The following EVPL variants were observed in gnomAD, a reference collection of about 807,000 sequenced individuals.
The protein encoded by EVPL is 210 kDa cornified envelope precursor protein.
EVPL carries 94 observed loss-of-function variants against 129.7 expected under a neutral mutation model. The ratio of observed to expected loss-of-function variants is 0.72; its 90% CI spans 0.61 to 0.86. EVPL has a LOEUF of 0.86. Among genes scored for constraint, EVPL ranks in the 40% least tolerant of loss-of-function variants. EVPL has a pLI of 0.00. For synonymous variants in EVPL, 1,172 were observed against 1,191.1 expected (o/e 0.98, Z 0.33); for missense variants, 2,625 against 2,721.1 (o/e 0.96, Z 0.79).
At chr17:76,012,245 T>A (rs963545585) in intron 18 of EVPL, 156 bp from the exon 19 acceptor site, 4 of 582,970 alleles carry the variant, frequency 6.9e-6, no homozygotes, top group Non-Finnish European at 3.1e-6. Flanking sequence ...CTCCTTTCCC[T>A]GACATCATTC....
Position 76,024,653 on chromosome 17 carries a change from A to G in EVPL, c.99-533T>C, listed in dbSNP as rs1263643666. Among the ~76,000 whole-genome samples, 1 of 151,542 alleles carries G rather than the reference A, an allele frequency of 6.6e-6. No homozygotes were observed. Among genetic ancestry groups the G allele is most frequent in the East Asian group, 1.9e-4 (1 of 5,148 alleles). ...GCTGGCTTCAGTAGCCATCTAGAGG[A>G]GCCTCACACTGTCGGAGCCGGGGAG... On this transcript the variant is annotated intron_variant, in intron 1 of 21. Coordinates refer to ENST00000301607, the MANE Select transcript of EVPL (RefSeq NM_001988.4). The surrounding 1 kb of genome is among the most constrained non-coding windows in gnomAD (Gnocchi z 4.5).
chr17:76,009,763 G>C lies in EVPL; in HGVS notation c.3442C>G (p.Leu1148Val). The part of the protein sequence containing the change: ...EVKKVEQDPG[L>V]LQESSRLRSL... ...CTCAGCCTGGAGGACTCCTGGAGGA[G>C]CCCTGGGTCCTGCTCCACCTTCTTC... Residue 1148 changes from leucine (L) to valine (V), a missense_variant, in exon 22 of 22, where the codon CTC becomes GTC. Physicochemically the swap from Leu to Val is conservative, Grantham distance 32. This residue lies in a region of EVPL where 1,453 missense variants were observed against 1,511.8 expected (regional missense o/e 0.96). Coordinates refer to ENST00000301607, the MANE Select transcript of EVPL (RefSeq NM_001988.4). The surrounding 1 kb of genome is among the most constrained non-coding windows in gnomAD (Gnocchi z 5.9). 1 of 1,613,760 alleles carries C rather than the reference G, an allele frequency of 6.2e-7. No individual in the cohort carries two copies. The highest frequency in any genetic ancestry group is 2.2e-5 in the East Asian group (1 of 44,866).
chr17:76,008,745 T>C lies in EVPL; in HGVS notation c.4460A>G (p.Gln1487Arg). ...CAGCTCGGTTACCTGGGTCTTCTCCTGGTCCAGGTCCCACCGCAGGGCTTC... is the reference window on the plus strand; with the variant it reads ...CAGCTCGGTTACCTGGGTCTTCTCCCGGTCCAGGTCCCACCGCAGGGCTTC... ...STEALRWDLD[Q>R]EKTQVTELNR... The change falls in exon 22 of 22, where the codon CAG (glutamine) becomes CGG (arginine). Residue 1487 changes from glutamine (Q) to arginine (R), a missense_variant. Physicochemically the swap from Gln to Arg is conservative, Grantham distance 43. Around this residue, in one of 4 missense-constraint regions of EVPL, gnomAD observed 1,453 missense variants for 1,511.8 expected, o/e 0.96. Coordinates refer to ENST00000301607, the MANE Select transcript of EVPL (RefSeq NM_001988.4). This position sits in a 1 kb window ranked among gnomAD's most constrained non-coding sequence, Gnocchi z 7.4. 1 of 1,614,190 alleles carries C rather than the reference T, an allele frequency of 6.2e-7. No homozygotes were observed. Among genetic ancestry groups the C allele is most frequent in the Non-Finnish European group, 8.5e-7 (1 of 1,180,052 alleles).
At chr17:76,018,314 C>T in intron 12 of EVPL, 56 bp from the exon 13 acceptor site, 1 of 1,518,234 alleles carries the variant, frequency 6.6e-7, no homozygotes, top group South Asian at 1.2e-5. Flanking sequence ...TCTCCCTCCC[C>T]AGCCCCAGTA....
At position 76,007,123 on chromosome 17, in the gene EVPL, C is replaced by T. The variant is rs201900469; in HGVS notation, c.6082G>A (p.Val2028Ile). 52 of 1,485,812 alleles carry T rather than the reference C, an allele frequency of 3.5e-5. No homozygotes were observed. The highest frequency in any genetic ancestry group is 8.4e-5 in the African/African-American group (6 of 71,380). 92.0% of individuals were successfully genotyped at this position (1,485,812 alleles called of 1,614,324 possible). The change falls in exon 22 of 22, where the codon GTC becomes ATC. Residue 2028 changes from valine to isoleucine, a missense_variant. Transcript: ENST00000301607. This position sits in a 1 kb window ranked among gnomAD's most constrained non-coding sequence, Gnocchi z 8.8. ...YRCYRSASPT[V>I]PRSLR Reference sequence around the variant, plus strand: ...CCGTGTCAGCGAAGGGAGCGCGGGACGGTGGGGGAGGCGGAGCGGTAGCAG... The same window carrying T: ...CCGTGTCAGCGAAGGGAGCGCGGGATGGTGGGGGAGGCGGAGCGGTAGCAG...
chr17:76,024,182 G>T lies in EVPL; in HGVS notation c.99-62C>A, dbSNP rs1461318374. On this transcript the variant is annotated intron_variant, in intron 1 of 21. Coordinates refer to ENST00000301607, the MANE Select transcript of EVPL (RefSeq NM_001988.4). The surrounding 1 kb of genome is among the most constrained non-coding windows in gnomAD (Gnocchi z 4.5). ...AGAGGCCCCTCTGTGCCCCATCCAG[G>T]TGGCATCCCCTGCCCTCCCTCCACC... 3.3e-6 allele frequency: 5 copies of T among 1,518,398 alleles called. No homozygotes were observed. The highest frequency in any genetic ancestry group is 1.8e-5 in the Admixed American group (1 of 55,120). 94.1% of individuals were successfully genotyped at this position (1,518,398 alleles called of 1,614,324 possible). A position where few individuals can be genotyped will look rare whatever the true frequency, so the allele number is the denominator to read the frequency against.
In EVPL at chr17:76,018,549, G is replaced by A; in HGVS notation, c.1336C>T (p.His446Tyr). 6.2e-7 allele frequency: 1 copy of A among 1,612,190 alleles called. No individual in the cohort carries two copies. Among genetic ancestry groups the A allele is most frequent in the Non-Finnish European group, 8.5e-7 (1 of 1,179,702 alleles). The change falls in exon 12 of 22, where the codon CAC becomes TAC. Residue 446 changes from histidine to tyrosine, a missense_variant. This residue lies in a region of EVPL where 1,024 missense variants were observed against 997.5 expected (regional missense o/e 1.03). Transcript: ENST00000301607. ...RYKLVDNTDP[H>Y]AWVVQGPGGE... ...CCAGGGCCCTGCACGACCCAGGCGT[G>A]CGGGTCAGTGTTATCTACCAGCTTA...
At position 76,008,246 on chromosome 17, in the gene EVPL, G is replaced by C. The variant is rs754447611; in HGVS notation, c.4959C>G (p.Tyr1653Ter). 8 of 1,613,626 alleles carry C rather than the reference G, an allele frequency of 5.0e-6. No homozygotes were observed. The highest frequency in any genetic ancestry group is 6.8e-6 in the Non-Finnish European group (8 of 1,180,008). The change falls in exon 22 of 22, where the codon TAC becomes TAG. Residue 1653 changes from tyrosine to a stop codon, truncating the protein, a stop_gained. Transcript: ENST00000301607. LOFTEE classifies it high-confidence loss of function. The surrounding 1 kb of genome is among the most constrained non-coding windows in gnomAD (Gnocchi z 7.4). The part of the protein sequence containing the change: ...AAILREKDQI[Y>*]EKERTLRDLH... Reference sequence around the variant, plus strand: ...GGTCCCGGAGCGTCCGCTCCTTCTCGTAGATCTGGTCCTTCTCGCGGAGGA... The same window carrying C: ...GGTCCCGGAGCGTCCGCTCCTTCTCCTAGATCTGGTCCTTCTCGCGGAGGA...
chr17:76,015,156 C>T, intron 16 of EVPL, 47 bp from the exon 17 acceptor site: 4 of 1,558,836 alleles, frequency 2.6e-6, no homozygotes, highest in Non-Finnish European at 3.5e-6. Context: ...GCTGGGGAGA[C>T]GCCGTGTCCA....
chr17:76,022,808 C>G lies in EVPL; in HGVS notation c.481-270G>C, dbSNP rs1394461413. ...TGTCTGTGACCCAGCCTCAGTGCTT[C>G]CTGCCTGGACACCACCAGCCAAGCT... On this transcript the variant is annotated intron_variant, in intron 4 of 21. Transcript: ENST00000301607. This position sits in a 1 kb window ranked among gnomAD's most constrained non-coding sequence, Gnocchi z 5.6. Among the ~76,000 whole-genome samples, 1 of 152,182 alleles carries G rather than the reference C, an allele frequency of 6.6e-6. No homozygotes were observed. The highest frequency in any genetic ancestry group is 2.1e-4 in the South Asian group (1 of 4,830).
intron 14 of EVPL, 47 bp from the exon 15 acceptor site, chr17:76,015,675 C>T (rs755179652): frequency 8.9e-6 from 14 of 1,566,036 alleles, no homozygotes; most frequent in African/African-American, 1.4e-5. Flanking sequence ...GGGTTCCGCC[C>T]GACTCTTCTA....
chr17:76,023,941 CAG>C (rs1739129708), intron 2 of EVPL, 78 bp downstream of exon 2: 2 of 1,521,494 alleles, frequency 1.3e-6, no homozygotes, highest in Non-Finnish European at 8.9e-7. Flanking sequence ...AAGGGGCACT[CAG>C]GGAGTGCCAG....
chr17:76,015,258 C>G lies in EVPL; in HGVS notation c.1997G>C (p.Gly666Ala). Residue 666 changes from glycine (G) to alanine (A), a missense_variant, in exon 16 of 22, where the codon GGG becomes GCG. Transcript: ENST00000301607. ...CTCGCTGACCCTCTCCTGCAGAGCC[C>G]CCGGTTCAGCAGGGATGGGGGCCTC... ...VQEAPIPAEP[G>A]ALQERVSELQ... 6.2e-7 allele frequency: 1 copy of G among 1,601,952 alleles called. No homozygotes were observed. Among genetic ancestry groups the G allele is most frequent in the East Asian group, 2.2e-5 (1 of 44,678 alleles).
rs774309682 is a variant in EVPL, at chr17:76,015,107, G to A, written c.2031C>T (p.Arg677=). 5.1e-6 allele frequency: 8 copies of A among 1,573,028 alleles called. No individual in the cohort carries two copies. The highest frequency in any genetic ancestry group is 3.4e-5 in the Admixed American group (2 of 59,430). The change falls in exon 17 of 22, where the codon CGC becomes CGT. Residue 677 remains arginine (R), a splice_region_variant and synonymous_variant. Coordinates refer to ENST00000301607, the MANE Select transcript of EVPL (RefSeq NM_001988.4). ...ALQERVSELQ[R]QRRELLEQQT... ...GCTGTTCCAGCAGCTCCCTCCGCTGGCGCTGCAGGAGGAGGGGACGCAGCC... is the reference window on the plus strand; with the variant it reads ...GCTGTTCCAGCAGCTCCCTCCGCTGACGCTGCAGGAGGAGGGGACGCAGCC...
Position 76,019,026 on chromosome 17 carries a change from G to A in EVPL, c.1172C>T (p.Ala391Val). 6.3e-7 allele frequency: 1 copy of A among 1,576,090 alleles called. No individual in the cohort carries two copies. The highest frequency in any genetic ancestry group is 1.2e-5 in the South Asian group (1 of 86,756). ...GCTTCGCCGCTGCAGGTCCCCAGTG[G>A]CCCTCTCGGTGACGGCCAGCCGTTT... is the stretch of plus-strand genomic sequence containing the variant. Reference protein sequence around the residue: ...EEKRLAVTERATGDLQRRSRD... With the variant: ...EEKRLAVTERVTGDLQRRSRD... The change falls in exon 11 of 22, where the codon GCC (alanine) becomes GTC (valine). Residue 391 changes from alanine (A) to valine (V), a missense_variant. Ala to Val is a moderately conservative substitution (Grantham distance 64). Around this residue, in one of 4 missense-constraint regions of EVPL, gnomAD observed 1,024 missense variants for 997.5 expected, o/e 1.03. Coordinates refer to ENST00000301607, the MANE Select transcript of EVPL (RefSeq NM_001988.4).
intron 1 of EVPL, 54 bp downstream of exon 1, chr17:76,027,047 C>T: frequency 9.0e-7 from 1 of 1,105,156 alleles, no homozygotes; most frequent in Non-Finnish European, 1.3e-6. Context: ...GGACCTGGGC[C>T]TGGCACCACC....
rs752383797 is a variant in EVPL at position 76,018,193 on chromosome 17, C to T, written c.1505G>A (p.Ser502Asn). The T allele has an allele frequency of 1.3e-6, 2 of 1,551,164 alleles. No individual in the cohort carries two copies. The highest frequency in any genetic ancestry group is 1.2e-5 in the South Asian group (1 of 84,058). ...LATVQSRLKA[S>N]AVESLRPSQQ... Reference sequence around the variant, plus strand: ...GCTGGGCCGAAGAGACTCCACAGCACTGGCCTTCAGGCGGCTCTGGACTGT... The same window carrying T: ...GCTGGGCCGAAGAGACTCCACAGCATTGGCCTTCAGGCGGCTCTGGACTGT... Residue 502 changes from serine (S) to asparagine (N), a missense_variant, in exon 13 of 22, where the codon AGT (serine) becomes AAT (asparagine). Ser to Asn is a conservative substitution (Grantham distance 46). Transcript: ENST00000301607.
At position 76,008,556 on chromosome 17, in the gene EVPL, C is replaced by CG. The variant is rs754041039; in HGVS notation, c.4648dup (p.Arg1550ProfsTer16). 1.2e-6 allele frequency: 2 copies of CG among 1,609,154 alleles called. No individual in the cohort carries two copies. The highest frequency in any genetic ancestry group is 1.7e-6 in the Non-Finnish European group (2 of 1,179,838). ...CCGTGCCTCCTCCTCCCGGGCCTGC[C>CG]GGGCCGTGCGCTCCCTGTTGAGCAT... On this transcript the variant is annotated frameshift_variant, in exon 22 of 22. Transcript: ENST00000301607. LOFTEE classifies it low-confidence loss of function (END_TRUNC). The surrounding 1 kb of genome is among the most constrained non-coding windows in gnomAD (Gnocchi z 7.4).
Position 76,018,541 on chromosome 17 carries a change from C to G in EVPL, c.1344G>C (p.Trp448Cys). 1 of 1,612,732 alleles carries G rather than the reference C, an allele frequency of 6.2e-7. No individual in the cohort carries two copies. Among genetic ancestry groups the G allele is most frequent in the Non-Finnish European group, 8.5e-7 (1 of 1,179,868 alleles). ...KLVDNTDPHA[W>C]VVQGPGGETK... ...TCTCCCCGCCAGGGCCCTGCACGACCCAGGCGTGCGGGTCAGTGTTATCTA... is the reference window on the plus strand; with the variant it reads ...TCTCCCCGCCAGGGCCCTGCACGACGCAGGCGTGCGGGTCAGTGTTATCTA... The change falls in exon 12 of 22, where the codon TGG (tryptophan) becomes TGC (cysteine). Residue 448 changes from tryptophan (W) to cysteine (C), a missense_variant. Around this residue, in one of 4 missense-constraint regions of EVPL, gnomAD observed 1,024 missense variants for 997.5 expected, o/e 1.03. Transcript: ENST00000301607.
Sources: gnomAD v4.1 joint callset for allele counts (sites outside exome capture counted in the v4.1 genomes callset) on GRCh38, gnomAD v4.1.1 for gene constraint, gnomAD v4.1.1 regional missense constraint, Gnocchi (gnomAD v3.1) non-coding constraint, MANE v1.5 for transcripts, NCBI Gene and HGNC (gene_info 2026-07-23, HGNC 2026-07-21) for gene names.